Variants in ENTREP1 observed in about 807,000 individuals in gnomAD.
ENTREP1 encodes the protein Friedreich ataxia region gene X123.
At chr9:69,387,166 C>G in the ENTREP1 span, 2 of 152,112 alleles carry the variant, frequency 1.3e-5, no homozygotes, top group African/African-American at 4.8e-5. Flanking sequence ...GTGTCTTTGG[C>G]GAGTGCTTCT....
the ENTREP1 span, among the ~76,000 whole-genome samples, chr9:69,345,162 G>A: frequency 7.9e-5 from 12 of 152,184 alleles, no homozygotes; most frequent in Non-Finnish European, 1.5e-4. Flanking sequence ...GGAAGTGTCA[G>A]GTGAAGGAGG....
chr9:69,389,932 C>A, the ENTREP1 span, among the ~76,000 whole-genome samples: 1 of 152,172 alleles, frequency 6.6e-6, no homozygotes, highest in Non-Finnish European at 1.5e-5. Flanking sequence ...AGGACTGGAA[C>A]CTAGAGGTGA....
the ENTREP1 span, among the ~76,000 whole-genome samples, chr9:69,332,495 A>G: frequency 2.0e-5 from 3 of 152,222 alleles, no homozygotes; most frequent in African/African-American, 7.2e-5. Flanking sequence ...ATATTGCGCA[A>G]TAAACTTTGT....
chr9:69,356,853 A>T, the ENTREP1 span, among the ~76,000 whole-genome samples: 1 of 152,172 alleles, frequency 6.6e-6, no homozygotes, highest in Non-Finnish European at 1.5e-5. Flanking sequence ...TAATGAGAAC[A>T]TGTTAATGTA....
the ENTREP1 span, among the ~76,000 whole-genome samples, chr9:69,363,463 A>G: frequency 6.6e-6 from 1 of 152,240 alleles, no homozygotes; most frequent in East Asian, 1.9e-4. Flanking sequence ...AACAGATGAC[A>G]CAATACAATT....
the ENTREP1 span, among the ~76,000 whole-genome samples, chr9:69,343,098 G>A: frequency 1.3e-5 from 2 of 152,188 alleles, no homozygotes; most frequent in Non-Finnish European, 2.9e-5. Flanking sequence ...TAACCTTTCT[G>A]CCAAGTTAAT....
At chr9:69,378,008 C>T in the ENTREP1 span, among the ~76,000 whole-genome samples, 1 of 130,668 alleles carries the variant, frequency 7.7e-6, no homozygotes, top group Non-Finnish European at 1.8e-5. Flanking sequence ...TTTCTATTCT[C>T]TCTGTCTCTC....
chr9:69,358,182 T>TGGTGA, the ENTREP1 span, among the ~76,000 whole-genome samples: 15 of 152,300 alleles, frequency 9.8e-5, no homozygotes, highest in Middle Eastern at 3.4e-3. Context: ...CTTCTTCCTT[T>TGGTGA]GACATAATGG....
At chr9:69,380,519 T>G in the ENTREP1 span, 352 of 152,376 alleles carry the variant, frequency 2.3e-3, 1 homozygote, top group African/African-American at 7.8e-3. Flanking sequence ...AACCACTTCA[T>G]GCGTTGGCAT....
At chr9:69,362,972 A>G in the ENTREP1 span, among the ~76,000 whole-genome samples, 1 of 152,140 alleles carries the variant, frequency 6.6e-6, no homozygotes, top group Non-Finnish European at 1.5e-5. Flanking sequence ...ATACTACTTA[A>G]TAAACCCCCT....
chr9:69,340,926 G>C, the ENTREP1 span, among the ~76,000 whole-genome samples: 3 of 152,084 alleles, frequency 2.0e-5, no homozygotes, highest in Non-Finnish European at 4.4e-5. Context: ...TTCATTCTAA[G>C]AAAATGTTCT....
the ENTREP1 span, among the ~76,000 whole-genome samples, chr9:69,344,660 C>T: frequency 1.3e-5 from 2 of 152,136 alleles, no homozygotes; most frequent in Non-Finnish European, 2.9e-5. Context: ...CCTGTGAGCC[C>T]GTGACCTCTA....
At chr9:69,330,869 A>G in the ENTREP1 span, among the ~76,000 whole-genome samples, 1 of 152,156 alleles carries the variant, frequency 6.6e-6, no homozygotes, top group African/African-American at 2.4e-5. Context: ...AGGAGAGTGC[A>G]TCACTGCTGG....
chr9:69,351,546 A>T, the ENTREP1 span, among the ~76,000 whole-genome samples: 1 of 152,180 alleles, frequency 6.6e-6, no homozygotes, highest in African/African-American at 2.4e-5. Context: ...CCTTTGGAGT[A>T]GCTGGGACTA....
the ENTREP1 span, among the ~76,000 whole-genome samples, chr9:69,361,338 G>C: frequency 2.0e-5 from 3 of 151,950 alleles, no homozygotes; most frequent in Non-Finnish European, 4.4e-5. Flanking sequence ...TTCTACCATA[G>C]GTTATTTTTA....
At chr9:69,367,005 T>A in the ENTREP1 span, among the ~76,000 whole-genome samples, 446 of 152,176 alleles carry the variant, frequency 2.9e-3, 4 homozygotes, top group African/African-American at 0.01. Context: ...TAGCCTTGAT[T>A]TCCCAGGCTC....
At chr9:69,391,517 G>A in the ENTREP1 span, 1 of 1,117,430 alleles carries the variant, frequency 8.9e-7, no homozygotes, top group Non-Finnish European at 1.4e-6. Context: ...CATTAAGATA[G>A]GTGGATGGAC....
the ENTREP1 span, among the ~76,000 whole-genome samples, chr9:69,362,283 T>C: frequency 6.6e-6 from 1 of 152,128 alleles, no homozygotes; most frequent in African/African-American, 2.4e-5. Flanking sequence ...TTTAATGATA[T>C]TATGTGACAG....
chr9:69,340,447 G>A, the ENTREP1 span, among the ~76,000 whole-genome samples: 1 of 152,090 alleles, frequency 6.6e-6, no homozygotes, highest in African/African-American at 2.4e-5. Flanking sequence ...GGAAATTCAG[G>A]GTTGGAAAGC....
Sources: allele counts gnomAD v4.1 joint callset (sites outside exome capture counted in the v4.1 genomes callset), GRCh38; gene constraint gnomAD v4.1.1; transcripts MANE v1.5; gene names NCBI Gene and HGNC (gene_info 2026-07-23, HGNC 2026-07-21).